The following LRGUK variants were observed in gnomAD, a reference collection of about 807,000 sequenced individuals.
LRGUK encodes the protein leucine-rich repeat and guanylate kinase domain-containing protein.
LRGUK carries 65 observed loss-of-function variants against 76.0 expected under a neutral mutation model. The ratio of observed to expected loss-of-function variants is 0.85; its 90% CI spans 0.70 to 1.05. LRGUK has a LOEUF of 1.05. Among genes scored for constraint, LRGUK ranks in the 50% least tolerant of loss-of-function variants. The pLI, the probability that LRGUK is intolerant of heterozygous loss-of-function variation, is 0.00. For missense variants in LRGUK, 758 were observed against 732.8 expected (o/e 1.03, Z -0.40); for synonymous variants, 268 against 265.6 (o/e 1.01, Z -0.09).
intron 16 of LRGUK, among the ~76,000 whole-genome samples, chr7:134,229,375 AATCT>A (rs3030442): frequency 0.011 from 1,614 of 147,514 alleles, 22 homozygotes; most frequent in African/African-American, 0.032. Context: ...AAAAAAAAAA[AATCT>A]ATCTATCTAT....
intron 3 of LRGUK, among the ~76,000 whole-genome samples, chr7:134,142,102 C>T (rs1224266791): frequency 2.0e-5 from 3 of 152,198 alleles, no homozygotes; most frequent in African/African-American, 7.2e-5. Flanking sequence ...AAGGTAGAAG[C>T]ACTTCGCTTG....
At chr7:134,150,791 T>A (rs1798187769) in intron 5 of LRGUK, among the ~76,000 whole-genome samples, 4 of 152,182 alleles carry the variant, frequency 2.6e-5, no homozygotes, top group Admixed American at 2.6e-4. Flanking sequence ...ATCATGACTT[T>A]GTAAATGTCA....
chr7:134,176,378 A>C (rs1351698255), intron 8 of LRGUK, among the ~76,000 whole-genome samples: 2 of 152,040 alleles, frequency 1.3e-5, no homozygotes, highest in Non-Finnish European at 2.9e-5. Flanking sequence ...CAGAACTTAA[A>C]ATTAAATTAA....
intron 16 of LRGUK, among the ~76,000 whole-genome samples, chr7:134,234,552 G>T (rs1035870956): frequency 6.6e-6 from 1 of 152,056 alleles, no homozygotes; most frequent in African/African-American, 2.4e-5. Context: ...TGTATCTCTA[G>T]TCCTCCTAAA....
intron 16 of LRGUK, among the ~76,000 whole-genome samples, chr7:134,231,083 A>G (rs923212269): frequency 3.3e-5 from 5 of 152,148 alleles, no homozygotes; most frequent in African/African-American, 1.2e-4. Context: ...ATTAAGAGCA[A>G]TCTGTAAGGT....
chr7:134,132,759 G>T (rs1024682086), intron 1 of LRGUK, among the ~76,000 whole-genome samples: 3 of 152,178 alleles, frequency 2.0e-5, no homozygotes, highest in Admixed American at 1.3e-4. Flanking sequence ...AAAGAGAAGG[G>T]TGTGGGACCC....
intron 7 of LRGUK, among the ~76,000 whole-genome samples, chr7:134,169,020 A>C (rs1799119723): frequency 6.6e-6 from 1 of 152,028 alleles, no homozygotes; most frequent in Admixed American, 6.6e-5. Context: ...ATGTCCCCTC[A>C]TGTGGAAAGG....
At chr7:134,229,751 A>G (rs1406793622) in intron 16 of LRGUK, among the ~76,000 whole-genome samples, 3 of 152,200 alleles carry the variant, frequency 2.0e-5, no homozygotes, top group African/African-American at 7.2e-5. Context: ...AAATAGATCC[A>G]TGCACACATG....
chr7:134,175,887 TACAA>T (rs1283907190), intron 8 of LRGUK, among the ~76,000 whole-genome samples: 1 of 152,170 alleles, frequency 6.6e-6, no homozygotes, highest in Non-Finnish European at 1.5e-5. Flanking sequence ...ATTTTATTAT[TACAA>T]ACAAATTCAT....
intron 5 of LRGUK, among the ~76,000 whole-genome samples, chr7:134,150,399 T>G (rs1476029535): frequency 6.6e-6 from 1 of 150,638 alleles, no homozygotes; most frequent in Non-Finnish European, 1.5e-5. Context: ...GAGGTGGAGG[T>G]TGCAGTGAGC....
At chr7:134,236,989 G>C (rs982454483) in intron 16 of LRGUK, among the ~76,000 whole-genome samples, 2 of 151,018 alleles carry the variant, frequency 1.3e-5, no homozygotes, top group Non-Finnish European at 3.0e-5. Context: ...ACTATAAAGA[G>C]ATGCTTCTTT....
intron 10 of LRGUK, among the ~76,000 whole-genome samples, chr7:134,182,153 A>G (rs1443952429): frequency 6.6e-6 from 1 of 152,190 alleles, no homozygotes; most frequent in African/African-American, 2.4e-5. Flanking sequence ...TTCCCTGGAA[A>G]TGCATTCGAG....
chr7:134,214,782 A>G (rs1409702755), downstream of LRGUK, among the ~76,000 whole-genome samples: 1 of 130,304 alleles, frequency 7.7e-6, no homozygotes, highest in African/African-American at 3.6e-5. Context: ...TTAAACACAC[A>G]CACACACACA....
chr7:134,235,665 T>C (rs1801996947), intron 16 of LRGUK, among the ~76,000 whole-genome samples: 1 of 152,210 alleles, frequency 6.6e-6, no homozygotes, highest in African/African-American at 2.4e-5. Flanking sequence ...TCATTGTTAC[T>C]CCCTGATGTA....
At position 134,129,228 on chromosome 7, in the gene LRGUK, C is replaced by T. The variant is rs564744674; in HGVS notation, c.297+1564C>T. On this transcript the variant is annotated intron_variant, in intron 1 of 15. Transcript: ENST00000645682. ...TTCCTTCCTGCCTCCCCCTCTCTCC[C>T]TTCCTTCCTTTCCCTCCCTCCCTCT... Among the ~76,000 whole-genome samples, 804 of 137,144 alleles carry T rather than the reference C, an allele frequency of 5.9e-3. 4 individuals carry two copies. The highest frequency in any genetic ancestry group is 7.8e-3 in the Non-Finnish European group (486 of 62,624). 90.0% of individuals were successfully genotyped at this position (137,144 alleles called of 152,430 possible). A position where few individuals can be genotyped will look rare whatever the true frequency, so the allele number is the denominator to read the frequency against.
chr7:134,127,463 T>G (rs1563129185), exon 1 of LRGUK: 1 of 1,613,930 alleles, frequency 6.2e-7, no homozygotes, highest in Non-Finnish European at 8.5e-7. Context: ...CGTTACAGTT[T>G]CGCGCAGAAA....
chr7:134,201,604 A>ATT (rs369598961), intron 15 of LRGUK, 28 bp downstream of exon 15: 220 of 1,272,912 alleles, frequency 1.7e-4, no homozygotes, highest in Non-Finnish European at 1.9e-4. Flanking sequence ...TTGTGCCAGG[A>ATT]TTTTTTTTTT....
chr7:134,271,496 A>AT, the LRGUK span, among the ~76,000 whole-genome samples: 4 of 151,384 alleles, frequency 2.6e-5, no homozygotes, highest in East Asian at 1.9e-4. Flanking sequence ...ATAGGATTGA[A>AT]TTTTTTTTTA....
intron 11 of LRGUK, among the ~76,000 whole-genome samples, chr7:134,190,889 G>A (rs866726718): frequency 6.8e-6 from 1 of 148,110 alleles, no homozygotes; most frequent in Admixed American, 6.7e-5. Context: ...AAGCAGTTCT[G>A]GGGATAGACA....
Sources: gnomAD v4.1 joint callset for allele counts (sites outside exome capture counted in the v4.1 genomes callset) on GRCh38, gnomAD v4.1.1 for gene constraint, MANE v1.5 for transcripts, NCBI Gene and HGNC (gene_info 2026-07-23, HGNC 2026-07-21) for gene names.